The following B9D1 variants were observed in gnomAD, a reference collection of about 807,000 sequenced individuals.
B9D1 encodes B9 domain-containing protein 1.
In B9D1, 20 loss-of-function variants were observed where a neutral mutation model predicts 26.1. The observed-to-expected ratio is 0.77, with a 90% CI of 0.54 to 1.12. The LOEUF is 1.12. Ranked by LOEUF, B9D1 falls within the 50% of genes most tolerant of loss-of-function variation. B9D1 has a pLI of 0.00. For synonymous variants in B9D1, 105 were observed against 103.1 expected, an observed-to-expected ratio of 1.02 and a Z score of -0.11; for missense variants, 260 against 273.7, an observed-to-expected ratio of 0.95 and a Z score of 0.35.
rs753208628 is a variant in B9D1 at position 19,343,775 on chromosome 17, G to A, written c.472+15C>T. 3.1e-6 allele frequency: 5 copies of A among 1,612,960 alleles called. No individual in the cohort carries two copies. Among genetic ancestry groups the A allele is most frequent in the Non-Finnish European group, 4.2e-6 (5 of 1,179,182 alleles). The stretch of plus-strand genomic sequence containing the variant: ...TGTATGGGGGATGGGGGTAAGAGAG[G>A]GGAGGGAGCTTTACCTTCCCGGCCT... On this transcript the variant is annotated intron_variant, in intron 6 of 6. Transcript: ENST00000261499.
downstream of B9D1, chr17:19,336,737 T>C (rs1907483114): frequency 6.6e-6 from 1 of 152,588 alleles, no homozygotes; most frequent in African/African-American, 2.4e-5. Flanking sequence ...GCTGTGTCCT[T>C]CTCCCACCCC....
At chr17:19,341,210 A>G (rs1907927564), downstream of B9D1, 7 of 1,231,650 alleles carry the variant, frequency 5.7e-6, no homozygotes, top group Non-Finnish European at 7.1e-6. Flanking sequence ...GTACGTGCAC[A>G]CCACAGGCTA....
At chr17:19,343,579 C>T in intron 6 of B9D1, 118 bp from the exon 7 acceptor site, 9 of 1,577,620 alleles carry the variant, frequency 5.7e-6, no homozygotes, top group Non-Finnish European at 7.7e-6. Context: ...AGTGCCTGAC[C>T]CAAGCCCCTC....
chr17:19,337,007 C>G (rs1359090355), downstream of B9D1, among the ~76,000 whole-genome samples: 3 of 152,356 alleles, frequency 2.0e-5, no homozygotes, highest in Non-Finnish European at 1.5e-5. Flanking sequence ...CTTAATGCGG[C>G]CTTGTCACTG....
intron 6 of B9D1, 38 bp downstream of exon 6, chr17:19,343,752 T>A (rs1340766387): frequency 6.2e-7 from 1 of 1,613,078 alleles, no homozygotes; most frequent in African/African-American, 1.3e-5. Flanking sequence ...CTGTAACCTG[T>A]ATGGGGGATG....
rs1005632118 is a variant in B9D1, at chr17:19,375,374, A to C, written c.-298+2485T>G. Among the ~76,000 whole-genome samples the C allele has an allele frequency of 4.6e-5, 7 of 152,220 alleles. No homozygotes were observed. The East Asian group carries it at 1.3e-3, about 29-fold the overall frequency. Reference sequence around the variant, plus strand: ...GGAGACAAATGGCCAATAAACCGTGAAAACATCCTTAGTCATTAGGGAAAT... The same window carrying C: ...GGAGACAAATGGCCAATAAACCGTGCAAACATCCTTAGTCATTAGGGAAAT... On this transcript the variant is annotated intron_variant, in intron 1 of 5. Coordinates refer to the B9D1 transcript ENST00000477478.
chr17:19,366,000 C>A (rs916231540), upstream of B9D1, among the ~76,000 whole-genome samples: 1 of 151,930 alleles, frequency 6.6e-6, no homozygotes, highest in African/African-American at 2.4e-5. This position sits in a 1 kb window ranked among gnomAD's most constrained non-coding sequence, Gnocchi z 5.0. Flanking sequence ...TCATCTCCTA[C>A]CTATCCGCCC....
In B9D1 at chr17:19,347,799, GGCA is replaced by G. The variant is rs1348920623; in HGVS notation, c.323_325del (p.Val108_Pro109delinsAla). On this transcript the variant is annotated inframe_deletion, in exon 4 of 7. Coordinates refer to ENST00000261499, the MANE Select transcript of B9D1 (RefSeq NM_015681.6). The surrounding 1 kb of genome is among the most constrained non-coding windows in gnomAD (Gnocchi z 4.3). Reference sequence around the variant, plus strand: ...GAGGACCTACCGGCCAGGTGAGAAGGGCACGTGCACGGCCCCATAGCCTCGAAC... The same window carrying G: ...GAGGACCTACCGGCCAGGTGAGAAGGCGTGCACGGCCCCATAGCCTCGAAC... The G allele has an allele frequency of 6.2e-7, 1 of 1,613,780 alleles. No individual in the cohort carries two copies. Among genetic ancestry groups the G allele is most frequent in the African/African-American group, 1.3e-5 (1 of 74,862 alleles).
At chr17:19,338,230 G>A (rs539949761), downstream of B9D1, among the ~76,000 whole-genome samples, 12 of 152,366 alleles carry the variant, frequency 7.9e-5, no homozygotes, top group South Asian at 2.5e-3. Context: ...GACTGAGGTC[G>A]CCTTGCGGTG....
Position 19,359,407 on chromosome 17 carries a change from C to T in B9D1, c.132+913G>A, listed in dbSNP as rs1910756892. On this transcript the variant is annotated intron_variant, in intron 2 of 6. Coordinates refer to ENST00000261499, the MANE Select transcript of B9D1 (RefSeq NM_015681.6). This position sits in a 1 kb window ranked among gnomAD's most constrained non-coding sequence, Gnocchi z 5.0. ...AAGCTCCTGCTCCAGGGCCTTTGCA[C>T]TCTCTGCTGTTTCTGCCTGGACAGT... Among the ~76,000 whole-genome samples the T allele has an allele frequency of 1.3e-5, 2 of 152,230 alleles. No individual in the cohort carries two copies. The highest frequency in any genetic ancestry group is 4.8e-5 in the African/African-American group (2 of 41,458).
chr17:19,342,616 G>A (rs1908093099), downstream of B9D1, among the ~76,000 whole-genome samples: 1 of 152,170 alleles, frequency 6.6e-6, no homozygotes, highest in Non-Finnish European at 1.5e-5. Flanking sequence ...AGAAGGGCCT[G>A]GACAACCTCA....
chr17:19,343,252 G>A lies in B9D1; in HGVS notation c.*67C>T, dbSNP rs375701897. 1.6e-4 allele frequency: 255 copies of A among 1,610,768 alleles called. 1 individual carries two copies. Among genetic ancestry groups the A allele is most frequent in the Middle Eastern group, 1.1e-3 (6 of 5,240 alleles). ...TGGCCACCAGGCTGCCCCTCAGGCCGATGGGCAGCGGCTGACTTCGGGAAG... is the reference window on the plus strand; with the variant it reads ...TGGCCACCAGGCTGCCCCTCAGGCCAATGGGCAGCGGCTGACTTCGGGAAG... On this transcript the variant is annotated 3_prime_UTR_variant, in exon 7 of 7. Transcript: ENST00000261499.
At chr17:19,343,599 TA>T (rs1908268656) in intron 6 of B9D1, 138 bp from the exon 7 acceptor site, 2 of 1,572,612 alleles carry the variant, frequency 1.3e-6, no homozygotes, top group African/African-American at 2.7e-5. Flanking sequence ...CACTGGGAGG[TA>T]AAGGGGCTGC....
At chr17:19,342,223 T>C (rs1908046553), downstream of B9D1, among the ~76,000 whole-genome samples, 1 of 152,152 alleles carries the variant, frequency 6.6e-6, no homozygotes, top group African/African-American at 2.4e-5. Context: ...GAACTTCCTA[T>C]TCCGAGAAGA....
rs556858348 is a variant in B9D1 at position 19,360,466 on chromosome 17, G to A, written c.64-78C>T. Reference sequence around the variant, plus strand: ...GCATTTGCTAGGCAGGTGCAGCCAAGGGGAATTCTGAACGTGAGACACCTG... The same window carrying A: ...GCATTTGCTAGGCAGGTGCAGCCAAAGGGAATTCTGAACGTGAGACACCTG... On this transcript the variant is annotated intron_variant, in intron 1 of 6. Transcript: ENST00000261499. The A allele has an allele frequency of 3.0e-6, 4 of 1,324,638 alleles. No homozygotes were observed. In the South Asian group the frequency reaches 3.5e-5, roughly 12 times the overall value. The allele number at this position is 1,324,638 out of a possible 1,614,324, so 82.1% of individuals were successfully genotyped here. A position where few individuals can be genotyped will look rare whatever the true frequency, so the allele number is the denominator to read the frequency against.
Position 19,347,435 on chromosome 17 carries a change from C to A in B9D1, c.342-104G>T. ...CAGGCCAGTGCAGCTGCAGCGTGGG[C>A]CAAGTCAGGGCCAATGTCAACGAAT... On this transcript the variant is annotated intron_variant, in intron 4 of 6. Transcript: ENST00000261499. This position sits in a 1 kb window ranked among gnomAD's most constrained non-coding sequence, Gnocchi z 4.3. The A allele has an allele frequency of 2.9e-6, 4 of 1,377,856 alleles. No individual in the cohort carries two copies. Among genetic ancestry groups the A allele is most frequent in the Non-Finnish European group, 4.1e-6 (4 of 975,908 alleles). 85.4% of individuals were successfully genotyped at this position (1,377,856 alleles called of 1,614,324 possible).
intron 1 of B9D1, 47 bp downstream of exon 1, chr17:19,362,460 C>T (rs954051262): frequency 4.5e-5 from 66 of 1,467,930 alleles, no homozygotes; most frequent in African/African-American, 5.6e-5. Flanking sequence ...GGAAGGGCCC[C>T]GGGGGACGCT....
At chr17:19,335,571 T>A, downstream of B9D1, 1 of 1,225,674 alleles carries the variant, frequency 8.2e-7, no homozygotes, top group Non-Finnish European at 1.1e-6. Flanking sequence ...TGGGGGGTGC[T>A]TCTGTGCCCA....
chr17:19,377,302 G>A (rs1221122038), intron 1 of B9D1, among the ~76,000 whole-genome samples: 2 of 152,218 alleles, frequency 1.3e-5, no homozygotes, highest in African/African-American at 4.8e-5. Context: ...ATTAGGTAGT[G>A]ATGATGGCTG....
Sources: allele counts gnomAD v4.1 joint callset (sites outside exome capture counted in the v4.1 genomes callset), GRCh38; gene constraint gnomAD v4.1.1; non-coding constraint Gnocchi (gnomAD v3.1); transcripts MANE v1.5; gene names NCBI Gene and HGNC (gene_info 2026-07-23, HGNC 2026-07-21).